Variants in GID4 observed in about 807,000 individuals in gnomAD.
The protein encoded by GID4 is glucose-induced degradation protein 4 homolog.
Under a neutral mutation model 32.4 loss-of-function variants are expected in GID4, and 7 were observed. The ratio of observed to expected loss-of-function variants is 0.22; its 90% confidence interval spans 0.12 to 0.41. The LOEUF (loss-of-function observed/expected upper bound fraction) is 0.41, where lower values mean the gene tolerates loss of function less well. GID4 is among the 10% of genes least tolerant of loss of function. GID4 has a pLI of 1.00. For missense variants in GID4, 309 were observed against 400.0 expected (o/e 0.77, Z 1.94); for synonymous variants, 166 against 170.0 (o/e 0.98, Z 0.18).
chr17:18,063,885 G>A (rs1183408501), intron 5 of GID4, among the ~76,000 whole-genome samples: 4 of 152,112 alleles, frequency 2.6e-5, no homozygotes, highest in East Asian at 1.9e-4. Flanking sequence ...TAGGATTACA[G>A]GCGCCTGCCA....
rs139904462 is a variant in GID4 at position 18,063,780 on chromosome 17, T to A, written c.840-1400T>A. Among the ~76,000 whole-genome samples the A allele has an allele frequency of 7.4e-3, 1,134 of 152,270 alleles. 17 individuals carry two copies. Among genetic ancestry groups the A allele is most frequent in the African/African-American group, 0.024 (993 of 41,550 alleles). Reference sequence around the variant, plus strand: ...TTTTTGAAACAAAGTCTCGCTCTTGTCCCCCAGGCTGGAGTTCAGTGGCAC... The same window carrying A: ...TTTTTGAAACAAAGTCTCGCTCTTGACCCCCAGGCTGGAGTTCAGTGGCAC... On this transcript the variant is annotated intron_variant, in intron 5 of 5. Coordinates refer to ENST00000268719, the MANE Select transcript of GID4 (RefSeq NM_024052.5).
chr17:18,042,899 C>T (rs2044815680), intron 1 of GID4, among the ~76,000 whole-genome samples: 1 of 152,166 alleles, frequency 6.6e-6, no homozygotes, highest in African/African-American at 2.4e-5. Context: ...TGCTGTTGTG[C>T]ATCTTTTCTT....
chr17:18,045,236 A>G (rs377109817), intron 2 of GID4, 30 bp downstream of exon 2: 5 of 1,588,464 alleles, frequency 3.1e-6, no homozygotes, highest in African/African-American at 1.3e-5. Flanking sequence ...AACCAGCACT[A>G]GAAAGTCTGT....
In GID4 at chr17:18,047,657, G is replaced by A. The variant is rs187906087; in HGVS notation, c.498+2451G>A. Among the ~76,000 whole-genome samples the A allele has an allele frequency of 2.2e-3, 334 of 152,286 alleles. 3 individuals carry two copies. The highest frequency in any genetic ancestry group is 7.4e-3 in the African/African-American group (306 of 41,578). On this transcript the variant is annotated intron_variant, in intron 2 of 5. Coordinates refer to ENST00000268719, the MANE Select transcript of GID4 (RefSeq NM_024052.5). ...GAACCTCTGCAGATGGCGTGGCCTC[G>A]ATGAGCACATACCCTCCCCAGAGTT...
chr17:18,063,900 G>A (rs1019718330), intron 5 of GID4, among the ~76,000 whole-genome samples: 1 of 152,018 alleles, frequency 6.6e-6, no homozygotes, highest in Admixed American at 6.6e-5. Context: ...CTGCCACCAC[G>A]TCTGGCTAAG....
At chr17:18,044,978 CAT>C (rs1444159160) in intron 1 of GID4, among the ~76,000 whole-genome samples, 167 bp from the exon 2 acceptor site, 3 of 152,162 alleles carry the variant, frequency 2.0e-5, no homozygotes, top group African/African-American at 7.2e-5. Flanking sequence ...GCAGAACAGG[CAT>C]GTGTGTGGGG....
chr17:18,055,165 C>A (rs936501377), intron 3 of GID4, among the ~76,000 whole-genome samples: 1 of 145,812 alleles, frequency 6.9e-6, no homozygotes, highest in Non-Finnish European at 1.5e-5. Flanking sequence ...AGTGAGACTC[C>A]GTCTCAAAAA....
chr17:18,052,437 G>C lies in GID4; in HGVS notation c.499-1690G>C, dbSNP rs537262113. ...AGGCCAGGTTGGTAGATGTGGCAAA[G>C]CCATCAGAATGAGGTTTTTGATGCA... On this transcript the variant is annotated intron_variant, in intron 2 of 5. Coordinates refer to ENST00000268719, the MANE Select transcript of GID4 (RefSeq NM_024052.5). 1.2e-4 allele frequency among the ~76,000 whole-genome samples: 19 copies of C among 152,290 alleles called. No homozygotes were observed. In the East Asian group the frequency reaches 3.7e-3, roughly 29 times the overall value.
intron 2 of GID4, among the ~76,000 whole-genome samples, chr17:18,048,050 G>A (rs1052129185): frequency 7.3e-5 from 11 of 151,330 alleles, no homozygotes; most frequent in Admixed American, 1.3e-4. Context: ...ACAGGTGCCC[G>A]CCACCACACC....
At position 18,039,520 on chromosome 17, in the gene GID4, G is replaced by T; in HGVS notation, c.56G>T (p.Cys19Phe). Residue 19 changes from cysteine (C) to phenylalanine (F), a missense_variant, in exon 1 of 6, where the codon TGC (cysteine) becomes TTC (phenylalanine). Coordinates refer to ENST00000268719, the MANE Select transcript of GID4 (RefSeq NM_024052.5). The surrounding 1 kb of genome is among the most constrained non-coding windows in gnomAD (Gnocchi z 5.3). Reference sequence around the variant, plus strand: ...ACCCAGCTCAGGACTGGGAGGCCCTGCTCGCAGGTCCCTGGGTCCCGGTGG... The same window carrying T: ...ACCCAGCTCAGGACTGGGAGGCCCTTCTCGCAGGTCCCTGGGTCCCGGTGG... The part of the protein sequence containing the change: ...RGTQLRTGRP[C>F]SQVPGSRWRP... 12 of 1,312,696 alleles carry T rather than the reference G, an allele frequency of 9.1e-6. No individual in the cohort carries two copies. The highest frequency in any genetic ancestry group is 1.2e-5 in the Non-Finnish European group (12 of 1,035,360). 81.3% of individuals were successfully genotyped at this position (1,312,696 alleles called of 1,614,324 possible). A position where few individuals can be genotyped will look rare whatever the true frequency, so the allele number is the denominator to read the frequency against.
At position 18,062,326 on chromosome 17, in the gene GID4, C is replaced by G. The variant is rs1296774377; in HGVS notation, c.839+351C>G. ...AAATGTGAATTGATCCAGTACTGGA[C>G]AATGTGAATTTTGCTGTCAGCAGCT... On this transcript the variant is annotated intron_variant, in intron 5 of 5. Transcript: ENST00000268719. The G allele has an allele frequency of 1.3e-5, 3 of 224,834 alleles. No homozygotes were observed. The Admixed American group carries it at 1.5e-4, about 11-fold the overall frequency. 13.9% of individuals were successfully genotyped at this position (224,834 alleles called of 1,614,324 possible).
chr17:18,060,084 CAAA>C (rs35399188), intron 4 of GID4, among the ~76,000 whole-genome samples: 3 of 60,470 alleles, frequency 5.0e-5, no homozygotes, highest in Non-Finnish European at 3.0e-5. Flanking sequence ...GACTCCATCT[CAAA>C]AAAAAAAAAA....
chr17:18,050,755 C>G (rs2044901899), intron 2 of GID4, among the ~76,000 whole-genome samples: 1 of 152,156 alleles, frequency 6.6e-6, no homozygotes, highest in East Asian at 1.9e-4. Context: ...TTTGGGTGAG[C>G]CTGGAATCAG....
In GID4 at chr17:18,066,572, T is replaced by A. The variant is rs2045065669; in HGVS notation, c.*1329T>A. On this transcript the variant is annotated 3_prime_UTR_variant, in exon 6 of 6. Transcript: ENST00000268719. ...CAAACATGGCTAGGGCTTTGGGGATTTGGCATTTTTCTGGTGGTTTACAAG... is the reference window on the plus strand; with the variant it reads ...CAAACATGGCTAGGGCTTTGGGGATATGGCATTTTTCTGGTGGTTTACAAG... 1 of 151,894 alleles carries A rather than the reference T, an allele frequency of 6.6e-6. No individual in the cohort carries two copies. Among genetic ancestry groups the A allele is most frequent in the African/African-American group, 2.4e-5 (1 of 41,324 alleles). The allele number at this position is 151,894 out of a possible 1,614,324, so 9.4% of individuals were successfully genotyped here.
rs889414593 is a variant in GID4 at position 18,066,169 on chromosome 17, A to G, written c.*926A>G. On this transcript the variant is annotated 3_prime_UTR_variant, in exon 6 of 6. Coordinates refer to ENST00000268719, the MANE Select transcript of GID4 (RefSeq NM_024052.5). ...AATTTTTATATCGATATCTATATGT[A>G]TATGTATATTTAATCAACCAGCAGT... The G allele has an allele frequency of 6.6e-6, 1 of 152,604 alleles. No individual in the cohort carries two copies. The highest frequency in any genetic ancestry group is 1.5e-5 in the Non-Finnish European group (1 of 68,048). The allele number at this position is 152,604 out of a possible 1,614,324, so 9.5% of individuals were successfully genotyped here.
chr17:18,049,790 A>T (rs556253879), intron 2 of GID4, among the ~76,000 whole-genome samples: 3 of 152,164 alleles, frequency 2.0e-5, no homozygotes, highest in African/African-American at 7.2e-5. Flanking sequence ...ACACCAGGCT[A>T]AATTTTTTTT....
At chr17:18,057,327 G>A in intron 3 of GID4, 1 of 284,412 alleles carries the variant, frequency 3.5e-6, no homozygotes, top group Non-Finnish European at 6.7e-6. Context: ...AGCTATTCGG[G>A]AGGCTGAGGC....
chr17:18,060,715 G>A (rs1276380509), intron 4 of GID4, among the ~76,000 whole-genome samples: 1 of 151,698 alleles, frequency 6.6e-6, no homozygotes, highest in African/African-American at 2.4e-5. Flanking sequence ...ACCACGCCTG[G>A]CTAATTTTTG....
chr17:18,066,982 A>C lies in GID4; in HGVS notation c.*1739A>C, dbSNP rs1255651434. The C allele has an allele frequency of 6.6e-6, 1 of 152,224 alleles. No homozygotes were observed. The highest frequency in any genetic ancestry group is 1.5e-5 in the Non-Finnish European group (1 of 68,062). 9.4% of individuals were successfully genotyped at this position (152,224 alleles called of 1,614,324 possible). On this transcript the variant is annotated 3_prime_UTR_variant, in exon 6 of 6. Transcript: ENST00000268719. ...GGCCCGATGACTTAAAGGGAAAAAT[A>C]ATTCATTCCCAGAGATGAGTCAGAA...
Sources: gnomAD v4.1 joint callset for allele counts (sites outside exome capture counted in the v4.1 genomes callset) on GRCh38, gnomAD v4.1.1 for gene constraint, Gnocchi (gnomAD v3.1) non-coding constraint, MANE v1.5 for transcripts, NCBI Gene and HGNC (gene_info 2026-07-23, HGNC 2026-07-21) for gene names.